PDZRN4: variants seen among roughly 807,000 people sequenced by gnomAD.
PDZRN4 encodes the protein PDZ domain-containing RING finger protein 4.
In PDZRN4, 70 loss-of-function variants were observed where a neutral mutation model predicts 99.0. The ratio of observed to expected loss-of-function variants is 0.71; its 90% CI spans 0.58 to 0.86. The LOEUF is 0.86. PDZRN4 is among the 40% of genes least tolerant of loss of function. The probability of loss-of-function intolerance (pLI) is 0.00; values close to 1 mark genes in which losing one functional copy is unlikely to be tolerated. For missense variants in PDZRN4, 1,474 were observed against 1,331.2 expected (o/e 1.11, Z -1.67); for synonymous variants, 551 against 501.6 (o/e 1.10, Z -1.32).
chr12:41,429,060 T>C (rs1952563879), intron 3 of PDZRN4, among the ~76,000 whole-genome samples: 1 of 152,196 alleles, frequency 6.6e-6, no homozygotes, highest in Non-Finnish European at 1.5e-5. Context: ...CTAGGTAGAA[T>C]TTAATATGTT....
intron 3 of PDZRN4, among the ~76,000 whole-genome samples, chr12:41,261,083 A>G (rs1327605613): frequency 6.6e-6 from 1 of 152,172 alleles, no homozygotes; most frequent in Non-Finnish European, 1.5e-5. Flanking sequence ...ATTCCATAGC[A>G]CATCCCAGTT....
At chr12:41,306,481 C>G (rs1034246719) in intron 3 of PDZRN4, among the ~76,000 whole-genome samples, 2 of 152,176 alleles carry the variant, frequency 1.3e-5, no homozygotes, top group Non-Finnish European at 2.9e-5. Flanking sequence ...TCCCTCCATC[C>G]CCTTCAGTTC....
Position 41,574,143 on chromosome 12 carries a change from GAAAGA to G in PDZRN4, c.*257_*261del. On this transcript the variant is annotated 3_prime_UTR_variant, in exon 10 of 10. Transcript: ENST00000402685. ...GTTTATAAAAAATCAAAAACAAAAGGAAAGAAAACAAAAAAAACTTGCACAAAAAT... is the reference window on the plus strand; with the variant it reads ...GTTTATAAAAAATCAAAAACAAAAGGAAACAAAAAAAACTTGCACAAAAAT... The G allele has an allele frequency of 7.1e-6, 2 of 282,494 alleles. No homozygotes were observed. The highest frequency in any genetic ancestry group is 1.3e-5 in the Non-Finnish European group (2 of 154,290). 17.5% of individuals were successfully genotyped at this position (282,494 alleles called of 1,614,324 possible).
rs762548035 is a variant in PDZRN4 at position 41,188,641 on chromosome 12, C to T, written c.186C>T (p.Gly62=). Residue 62 remains glycine (G), a synonymous_variant, in exon 1 of 10, where the codon GGC becomes GGT. Transcript: ENST00000402685. ...TGCAGTGCCAGCCCTTGGCGCCCGG[C>T]GAGCTGTACCGGGTGCTGCCGCTGC... ...CPLQCQPLAP[G]ELYRVLPLRS... The T allele has an allele frequency of 3.3e-5, 51 of 1,541,334 alleles. No individual in the cohort carries two copies. The highest frequency in any genetic ancestry group is 4.3e-5 in the Non-Finnish European group (50 of 1,150,882).
At chr12:41,517,119 A>G (rs2120703609) in intron 5 of PDZRN4, among the ~76,000 whole-genome samples, 1 of 152,204 alleles carries the variant, frequency 6.6e-6, no homozygotes, top group African/African-American at 2.4e-5. Context: ...CATAAAACAA[A>G]TAAGAAGCAA....
At chr12:41,334,172 A>G (rs1253929438) in intron 3 of PDZRN4, among the ~76,000 whole-genome samples, 1 of 152,108 alleles carries the variant, frequency 6.6e-6, no homozygotes, top group Non-Finnish European at 1.5e-5. Flanking sequence ...CTGAGCTCCT[A>G]TAACAAGGTC....
At chr12:41,546,564 G>A (rs1362772786) in intron 5 of PDZRN4, among the ~76,000 whole-genome samples, 1 of 152,162 alleles carries the variant, frequency 6.6e-6, no homozygotes, top group East Asian at 1.9e-4. Flanking sequence ...GCTTGTGATT[G>A]TGAATGACTT....
chr12:41,499,940 G>A (rs1318436967), intron 3 of PDZRN4, among the ~76,000 whole-genome samples: 3 of 151,928 alleles, frequency 2.0e-5, no homozygotes, highest in African/African-American at 7.2e-5. Flanking sequence ...CATTTCCAAG[G>A]CATTCAATTA....
intron 3 of PDZRN4, among the ~76,000 whole-genome samples, chr12:41,461,172 A>AAAACAACCAT (rs1952870133): frequency 6.6e-6 from 1 of 151,944 alleles, no homozygotes; most frequent in African/African-American, 2.4e-5. Context: ...GCAACAGCAT[A>AAAACAACCAT]AAACAACCAT....
chr12:41,251,161 C>G (rs750392955), intron 3 of PDZRN4, among the ~76,000 whole-genome samples: 5 of 152,064 alleles, frequency 3.3e-5, no homozygotes, highest in Non-Finnish European at 7.3e-5. Flanking sequence ...TGGTACCCAT[C>G]AAGTGGAAAG....
chr12:41,304,805 T>G (rs954645918), intron 3 of PDZRN4, among the ~76,000 whole-genome samples: 2 of 152,244 alleles, frequency 1.3e-5, no homozygotes, highest in Non-Finnish European at 1.5e-5. Flanking sequence ...ACAGAATGCA[T>G]GACATTGCCT....
chr12:41,414,216 AC>A (rs1952424027), intron 3 of PDZRN4, among the ~76,000 whole-genome samples: 1 of 152,014 alleles, frequency 6.6e-6, no homozygotes, highest in African/African-American at 2.4e-5. Context: ...ACATGACCTG[AC>A]CTTTTTCTCT....
chr12:41,240,589 A>G (rs1566386584), intron 3 of PDZRN4, among the ~76,000 whole-genome samples: 1 of 152,198 alleles, frequency 6.6e-6, no homozygotes, highest in African/African-American at 2.4e-5. Flanking sequence ...CTGCTATAAC[A>G]AAGTACCATA....
rs531341029 is a variant in PDZRN4, at chr12:41,383,856, T to C, written c.844-122600T>C. ...GGGAAAACCTTTTCATGGAATAGAG[T>C]AGTCAATTTCTTGTCTTCAAACTAC... On this transcript the variant is annotated intron_variant, in intron 3 of 9. Coordinates refer to ENST00000402685, the MANE Select transcript of PDZRN4 (RefSeq NM_001164595.2). Among the ~76,000 whole-genome samples the C allele has an allele frequency of 4.0e-5, 6 of 149,952 alleles. No homozygotes were observed. In the South Asian group the frequency reaches 1.2e-3, roughly 31 times the overall value.
intron 3 of PDZRN4, chr12:41,438,004 A>G: frequency 6.2e-7 from 1 of 1,614,064 alleles, no homozygotes; most frequent in South Asian, 1.1e-5. Flanking sequence ...TGCTGTATGA[A>G]GTTTCCCAGG....
Position 41,292,367 on chromosome 12 carries a change from T to C in PDZRN4, c.843+98179T>C, listed in dbSNP as rs538888696. 6.8e-4 allele frequency among the ~76,000 whole-genome samples: 104 copies of C among 152,278 alleles called. 1 individual carries two copies. The highest frequency in any genetic ancestry group is 1.9e-3 in the African/African-American group (81 of 41,552). ...TGGTTTCATGTTGCTGGAGAGCACATGTGTGCAGGAAGTGCAGACCAAGAG... is the reference window on the plus strand; with the variant it reads ...TGGTTTCATGTTGCTGGAGAGCACACGTGTGCAGGAAGTGCAGACCAAGAG... On this transcript the variant is annotated intron_variant, in intron 3 of 9. Coordinates refer to ENST00000402685, the MANE Select transcript of PDZRN4 (RefSeq NM_001164595.2).
intron 3 of PDZRN4, among the ~76,000 whole-genome samples, chr12:41,500,693 C>T (rs1157777470): frequency 6.6e-6 from 1 of 151,780 alleles, no homozygotes; most frequent in Non-Finnish European, 1.5e-5. Flanking sequence ...GTGCTATATT[C>T]CATTAATATA....
At chr12:41,219,649 C>T (rs1260669540) in intron 3 of PDZRN4, among the ~76,000 whole-genome samples, 3 of 151,852 alleles carry the variant, frequency 2.0e-5, no homozygotes, top group Non-Finnish European at 4.4e-5. Flanking sequence ...CTTGAAGAGG[C>T]ACAAAGTTTA....
In PDZRN4 at chr12:41,390,499, C is replaced by T. The variant is rs569660514; in HGVS notation, c.844-115957C>T. ...GTATTTTCTGAAAGAAAGAATTTTG[C>T]CCCATACTCTCTAAGTAAAATACTA... is the stretch of plus-strand genomic sequence containing the variant. On this transcript the variant is annotated intron_variant, in intron 3 of 9. Coordinates refer to ENST00000402685, the MANE Select transcript of PDZRN4 (RefSeq NM_001164595.2). Among the ~76,000 whole-genome samples, 8 of 144,566 alleles carry T rather than the reference C, an allele frequency of 5.5e-5. No individual in the cohort carries two copies. The East Asian group carries it at 1.4e-3, about 26-fold the overall frequency. 94.8% of individuals were successfully genotyped at this position (144,566 alleles called of 152,430 possible).
Sources: gnomAD v4.1 joint callset for allele counts (sites outside exome capture counted in the v4.1 genomes callset) on GRCh38, gnomAD v4.1.1 for gene constraint, MANE v1.5 for transcripts, NCBI Gene and HGNC (gene_info 2026-07-23, HGNC 2026-07-21) for gene names.